INSYN2B: variants seen among roughly 807,000 people sequenced by gnomAD.
The protein encoded by INSYN2B is inhibitory synaptic factor family member 2B.
A neutral mutation model predicts 41.2 loss-of-function variants in INSYN2B; 16 were observed. The observed-to-expected ratio is 0.39, with a 90% confidence interval of 0.26 to 0.59. The LOEUF (loss-of-function observed/expected upper bound fraction) is 0.59. Ranked by LOEUF, INSYN2B falls within the 20% of genes least tolerant of loss-of-function variation. The probability of loss-of-function intolerance (pLI) is 0.57; values close to 1 mark genes in which losing one functional copy is unlikely to be tolerated. For missense variants in INSYN2B, 608 were observed against 646.4 expected (o/e 0.94, Z 0.64); for synonymous variants, 245 against 244.4 (o/e 1.00, Z -0.02).
intron 1 of INSYN2B, among the ~76,000 whole-genome samples, chr5:169,931,540 G>A (rs1471755557): frequency 6.6e-6 from 1 of 152,228 alleles, no homozygotes; most frequent in Non-Finnish European, 1.5e-5. Flanking sequence ...TTGTTTTGGG[G>A]TGGGAGGTCA....
At chr5:169,948,565 C>T (rs1776536386) in intron 1 of INSYN2B, among the ~76,000 whole-genome samples, 2 of 151,336 alleles carry the variant, frequency 1.3e-5, no homozygotes, top group Non-Finnish European at 1.5e-5. Context: ...TCTCTTTATC[C>T]CTCCCTCCTT....
At chr5:169,899,685 G>A (rs1235679410) in intron 1 of INSYN2B, among the ~76,000 whole-genome samples, 1 of 152,188 alleles carries the variant, frequency 6.6e-6, no homozygotes, top group African/African-American at 2.4e-5. Context: ...GTTTTGTTGG[G>A]AGATGGTATT....
intron 1 of INSYN2B, among the ~76,000 whole-genome samples, chr5:169,905,104 G>T (rs1260096791): frequency 6.6e-6 from 1 of 152,184 alleles, no homozygotes; most frequent in Non-Finnish European, 1.5e-5. Context: ...AATATGAGGT[G>T]CTGGCATGTA....
intron 1 of INSYN2B, among the ~76,000 whole-genome samples, chr5:169,905,923 A>C (rs898763822): frequency 1.3e-5 from 2 of 152,208 alleles, no homozygotes; most frequent in Admixed American, 6.5e-5. Flanking sequence ...AGCTGTCTTG[A>C]ACCTGACTGT....
At chr5:169,892,771 A>G (rs552617135) in intron 1 of INSYN2B, among the ~76,000 whole-genome samples, 2 of 152,340 alleles carry the variant, frequency 1.3e-5, no homozygotes, top group Admixed American at 6.5e-5. Flanking sequence ...CACAGAGGAC[A>G]GTAGAGTGAA....
At chr5:169,948,943 T>C (rs1384389912) in intron 1 of INSYN2B, among the ~76,000 whole-genome samples, 1 of 151,322 alleles carries the variant, frequency 6.6e-6, no homozygotes, top group Non-Finnish European at 1.5e-5. Flanking sequence ...ATTTGTGAAA[T>C]TATCAAATTA....
At chr5:169,950,519 A>G (rs1776617680) in intron 1 of INSYN2B, among the ~76,000 whole-genome samples, 1 of 152,156 alleles carries the variant, frequency 6.6e-6, no homozygotes, top group Non-Finnish European at 1.5e-5. Flanking sequence ...GCCACACAAC[A>G]TGGCCCCTCT....
chr5:169,919,721 G>A (rs887386821), intron 1 of INSYN2B, among the ~76,000 whole-genome samples: 11 of 152,156 alleles, frequency 7.2e-5, no homozygotes, highest in African/African-American at 2.4e-4. Flanking sequence ...TTCCCCTGGC[G>A]ATTCTCTGAG....
At chr5:169,912,378 T>G (rs1435180401) in intron 1 of INSYN2B, among the ~76,000 whole-genome samples, 1 of 152,188 alleles carries the variant, frequency 6.6e-6, no homozygotes, top group East Asian at 1.9e-4. Context: ...TTCTTATCAT[T>G]GTCTATTGGC....
intron 1 of INSYN2B, among the ~76,000 whole-genome samples, chr5:169,904,633 C>G (rs766940953): frequency 2.6e-5 from 4 of 152,172 alleles, no homozygotes; most frequent in Non-Finnish European, 5.9e-5. Context: ...AGCCTCTCCC[C>G]CTAGTGAGGG....
intron 3 of INSYN2B, among the ~76,000 whole-genome samples, chr5:169,874,130 C>T (rs978612676): frequency 2.0e-5 from 3 of 152,120 alleles, no homozygotes; most frequent in African/African-American, 2.4e-5. Flanking sequence ...AATAAAAAAG[C>T]GGCCGGGTGT....
At chr5:169,901,540 G>A (rs1197191959) in intron 1 of INSYN2B, among the ~76,000 whole-genome samples, 2 of 152,178 alleles carry the variant, frequency 1.3e-5, no homozygotes, top group African/African-American at 2.4e-5. Flanking sequence ...TGGGGCAAAA[G>A]TGGAAGCAGG....
intron 1 of INSYN2B, among the ~76,000 whole-genome samples, chr5:169,930,812 T>C (rs1775716554): frequency 6.6e-6 from 1 of 152,218 alleles, no homozygotes; most frequent in Non-Finnish European, 1.5e-5. Flanking sequence ...TCTTGGTTTC[T>C]TTTCTTATGC....
chr5:169,896,274 T>A (rs1299064546), intron 1 of INSYN2B, among the ~76,000 whole-genome samples: 2 of 152,072 alleles, frequency 1.3e-5, no homozygotes, highest in Non-Finnish European at 2.9e-5. Context: ...GGGTTCAGAG[T>A]TTATCTGAAG....
chr5:169,883,209 A>T lies in INSYN2B; in HGVS notation c.690T>A (p.Ser230Arg). 6.4e-7 allele frequency: 1 copy of T among 1,551,206 alleles called. No homozygotes were observed. The highest frequency in any genetic ancestry group is 8.7e-7 in the Non-Finnish European group (1 of 1,146,836). Residue 230 changes from serine to arginine, a missense_variant, in exon 2 of 4, where the codon AGT becomes AGA. Ser to Arg is a moderately radical substitution (Grantham distance 110). Coordinates refer to ENST00000377365, the MANE Select transcript of INSYN2B (RefSeq NM_001129891.3). ...TGTCATCCAAAGGGTGTATGGAGTTACTTACTTCAGCTGACCTGTCTGGGC... is the reference window on the plus strand; with the variant it reads ...TGTCATCCAAAGGGTGTATGGAGTTTCTTACTTCAGCTGACCTGTCTGGGC... ...ALSPDRSAEVSNSIHPLDDTR... is the reference protein window; with the variant it reads ...ALSPDRSAEVRNSIHPLDDTR...
At chr5:169,957,418 A>G (rs1447512874) in intron 1 of INSYN2B, among the ~76,000 whole-genome samples, 1 of 152,214 alleles carries the variant, frequency 6.6e-6, no homozygotes, top group Non-Finnish European at 1.5e-5. Context: ...AACCAATGTT[A>G]GCTTAGTACT....
At chr5:169,947,092 C>T (rs1414009058) in intron 1 of INSYN2B, among the ~76,000 whole-genome samples, 2 of 152,204 alleles carry the variant, frequency 1.3e-5, no homozygotes, top group Non-Finnish European at 2.9e-5. Flanking sequence ...CTTTACACAA[C>T]ACTATGACTC....
chr5:169,926,591 A>G (rs1775474693), intron 1 of INSYN2B, among the ~76,000 whole-genome samples: 1 of 152,230 alleles, frequency 6.6e-6, no homozygotes. Context: ...CAGCTCACTC[A>G]GGCAGGACAG....
rs368063974 is a variant in INSYN2B, at chr5:169,923,994, A to G, written c.-918-39178T>C. 4.1e-3 allele frequency among the ~76,000 whole-genome samples: 622 copies of G among 152,302 alleles called. 4 individuals carry two copies. Among genetic ancestry groups the G allele is most frequent in the South Asian group, 0.016 (79 of 4,822 alleles). ...AAATGGAGCTGGATTAATAACGTTT[A>G]TCATTCAGGTGGAGGCTTTGTGTTT... On this transcript the variant is annotated intron_variant, in intron 1 of 3. Transcript: ENST00000377365.
Sources: allele counts gnomAD v4.1 joint callset (sites outside exome capture counted in the v4.1 genomes callset), GRCh38; gene constraint gnomAD v4.1.1; transcripts MANE v1.5; gene names NCBI Gene and HGNC (gene_info 2026-07-23, HGNC 2026-07-21).